The following MYT1 variants were observed in gnomAD, a reference collection of about 807,000 sequenced individuals.
MYT1 encodes the protein myelin transcription factor I.
A neutral mutation model predicts 123.0 loss-of-function variants in MYT1; 23 were observed. The observed-to-expected ratio is 0.19, with a 90% CI of 0.13 to 0.26. The LOEUF is 0.26. Ranked by LOEUF, MYT1 falls within the 10% of genes least tolerant of loss-of-function variation. The pLI is 1.00. For missense variants in MYT1, 1,125 were observed against 1,472.5 expected, an observed-to-expected ratio of 0.76 and a Z score of 3.86; for synonymous variants, 518 against 575.3, an observed-to-expected ratio of 0.90 and a Z score of 1.43.
intron 1 of MYT1, among the ~76,000 whole-genome samples, chr20:64,165,163 T>C (rs535846460): frequency 1.3e-5 from 2 of 152,200 alleles, no homozygotes; most frequent in South Asian, 4.2e-4. Context: ...AAGACCTCTC[T>C]GAAGCAGGGT....
rs1260565750 is a variant in MYT1, at chr20:64,202,187, A to G, written c.86+2265A>G. 1.3e-5 allele frequency among the ~76,000 whole-genome samples: 2 copies of G among 152,204 alleles called. No individual in the cohort carries two copies. Among genetic ancestry groups the G allele is most frequent in the Non-Finnish European group, 2.9e-5 (2 of 68,036 alleles). On this transcript the variant is annotated intron_variant, in intron 4 of 22. Transcript: ENST00000328439. The surrounding 1 kb of genome is among the most constrained non-coding windows in gnomAD (Gnocchi z 5.0). Reference sequence around the variant, plus strand: ...CAGCTCAGGCAGAGCTCCCAGGAAGACAGTCCATTGGTTGTTTACCAGGTG... The same window carrying G: ...CAGCTCAGGCAGAGCTCCCAGGAAGGCAGTCCATTGGTTGTTTACCAGGTG...
At chr20:64,188,909 A>G (rs1223489488) in intron 1 of MYT1, among the ~76,000 whole-genome samples, 1 of 152,222 alleles carries the variant, frequency 6.6e-6, no homozygotes, top group Non-Finnish European at 1.5e-5. Flanking sequence ...TGCACACAGT[A>G]GGTGCCGAAT....
chr20:64,211,055 C>CT (rs1983651514), intron 7 of MYT1, 151 bp from the exon 8 acceptor site: 4 of 818,706 alleles, frequency 4.9e-6, no homozygotes, highest in Non-Finnish European at 7.2e-6. Flanking sequence ...GGTCTCCTGA[C>CT]TGTCCAGCCC....
chr20:64,200,840 C>T (rs1487654936), intron 4 of MYT1, among the ~76,000 whole-genome samples: 1 of 152,186 alleles, frequency 6.6e-6, no homozygotes, highest in Non-Finnish European at 1.5e-5. Flanking sequence ...GGTGGAAGCT[C>T]AGCCAAACAG....
chr20:64,219,893 C>G lies in MYT1; in HGVS notation c.2152C>G (p.Gln718Glu). The change falls in exon 13 of 23, where the codon CAG becomes GAG. Residue 718 changes from glutamine to glutamate, a missense_variant. Physicochemically the swap from Gln to Glu is conservative, Grantham distance 29 (BLOSUM62 2). Transcript: ENST00000328439. Reference sequence around the variant, plus strand: ...CCCCAGCAGCTCCATGACCTCTCCCCAGTCCAGCCAGGCCTCCCGCCAGGA... The same window carrying G: ...CCCCAGCAGCTCCATGACCTCTCCCGAGTCCAGCCAGGCCTCCCGCCAGGA... ...SAPSSSMTSP[Q>E]SSQASRQDEW... 1 of 1,576,422 alleles carries G rather than the reference C, an allele frequency of 6.3e-7. No homozygotes were observed. The highest frequency in any genetic ancestry group is 8.6e-7 in the Non-Finnish European group (1 of 1,161,420).
rs1454803719 is a variant in MYT1, at chr20:64,186,745, G to A, written c.-98-3318G>A. ...CTTTATGGAACACCTCCACGTTTCC[G>A]TGGAGAGATTTCCTGTAGCCCGTGG... On this transcript the variant is annotated intron_variant, in intron 1 of 22. Transcript: ENST00000328439. The surrounding 1 kb of genome is among the most constrained non-coding windows in gnomAD (Gnocchi z 4.3). 5.3e-5 allele frequency among the ~76,000 whole-genome samples: 8 copies of A among 152,268 alleles called. No individual in the cohort carries two copies. Among genetic ancestry groups the A allele is most frequent in the East Asian group, 1.9e-4 (1 of 5,202 alleles).
rs1008893014 is a variant in MYT1, at chr20:64,213,222, G to C, written c.1518-312G>C. On this transcript the variant is annotated intron_variant, in intron 9 of 22. Coordinates refer to ENST00000328439, the MANE Select transcript of MYT1 (RefSeq NM_004535.3). The surrounding 1 kb of genome is among the most constrained non-coding windows in gnomAD (Gnocchi z 5.6). ...CAAGCCTGTCTCCCAGACCCATGCA[G>C]AGGAGGCATCTTTGCCCAGAGCTTT... Among the ~76,000 whole-genome samples the C allele has an allele frequency of 1.7e-4, 26 of 152,310 alleles. No homozygotes were observed. Among genetic ancestry groups the C allele is most frequent in the African/African-American group, 6.0e-4 (25 of 41,570 alleles).
In MYT1 at chr20:64,168,807, G is replaced by A. The variant is rs890883726; in HGVS notation, c.-99+4068G>A. ...GATGGTCCTCAGGAAGTAGGCTGCAGCGCTCTGCAGGAGTCAGGGTGGCCA... is the reference window on the plus strand; with the variant it reads ...GATGGTCCTCAGGAAGTAGGCTGCAACGCTCTGCAGGAGTCAGGGTGGCCA... On this transcript the variant is annotated intron_variant, in intron 1 of 22. Coordinates refer to ENST00000328439, the MANE Select transcript of MYT1 (RefSeq NM_004535.3). The surrounding 1 kb of genome is among the most constrained non-coding windows in gnomAD (Gnocchi z 6.1). Among the ~76,000 whole-genome samples, 6 of 152,254 alleles carry A rather than the reference G, an allele frequency of 3.9e-5. No individual in the cohort carries two copies. Among genetic ancestry groups the A allele is most frequent in the Non-Finnish European group, 5.9e-5 (4 of 68,046 alleles).
In MYT1 at chr20:64,225,180, G is replaced by C. The variant is rs188544416; in HGVS notation, c.2528+1821G>C. Among the ~76,000 whole-genome samples the C allele has an allele frequency of 2.6e-5, 4 of 152,292 alleles. No homozygotes were observed. In the East Asian group the frequency reaches 5.8e-4, roughly 22 times the overall value. ...TCCGACCACTGCATGAGCTTGGGACGATGGTGGTCTCCCCCCGCCACGTGT... is the reference window on the plus strand; with the variant it reads ...TCCGACCACTGCATGAGCTTGGGACCATGGTGGTCTCCCCCCGCCACGTGT... On this transcript the variant is annotated intron_variant, in intron 16 of 22. Coordinates refer to ENST00000328439, the MANE Select transcript of MYT1 (RefSeq NM_004535.3).
chr20:64,223,003 C>G, intron 14 of MYT1, 108 bp from the exon 15 acceptor site: 1 of 1,290,276 alleles, frequency 7.8e-7, no homozygotes, highest in Non-Finnish European at 1.1e-6. Flanking sequence ...CACCGCTTGG[C>G]TCGCGGGTGA....
chr20:64,210,972 A>G (rs1367005710), intron 7 of MYT1, among the ~76,000 whole-genome samples: 1 of 152,204 alleles, frequency 6.6e-6, no homozygotes, highest in Non-Finnish European at 1.5e-5. Context: ...ACGCTGCACA[A>G]ACTGCTATTT....
At chr20:64,170,884 T>TAGAG (rs71197459) in intron 1 of MYT1, among the ~76,000 whole-genome samples, 244 of 19,992 alleles carry the variant, frequency 0.012, 23 homozygotes, top group East Asian at 0.023. Context: ...TATATATATA[T>TAGAG]AGAGAGAGAG....
intron 19 of MYT1, among the ~76,000 whole-genome samples, chr20:64,234,555 G>A (rs1056081058): frequency 3.3e-5 from 5 of 152,260 alleles, no homozygotes; most frequent in Admixed American, 6.5e-5. Context: ...TAGGTGAGGT[G>A]GAACATGCCT....
chr20:64,184,175 C>T (rs1982733041), intron 1 of MYT1, among the ~76,000 whole-genome samples: 1 of 152,116 alleles, frequency 6.6e-6, no homozygotes, highest in Non-Finnish European at 1.5e-5. Context: ...CAATATATTA[C>T]TTTTTTTCTT....
intron 22 of MYT1, 40 bp downstream of exon 22, chr20:64,239,943 C>T: frequency 6.2e-7 from 1 of 1,602,776 alleles, no homozygotes; most frequent in South Asian, 1.1e-5. Flanking sequence ...CAGCTACCCC[C>T]CAGGGTCTCT....
intron 2 of MYT1, among the ~76,000 whole-genome samples, chr20:64,194,805 C>T (rs890677434): frequency 1.3e-5 from 2 of 152,222 alleles, no homozygotes; most frequent in Admixed American, 6.5e-5. Context: ...GGAAAATCTC[C>T]AACCCTGATA....
chr20:64,238,917 A>C (rs1984633023), intron 21 of MYT1, among the ~76,000 whole-genome samples: 1 of 152,214 alleles, frequency 6.6e-6, no homozygotes, highest in African/African-American at 2.4e-5. Context: ...AGGCAAAGGG[A>C]AGGCAGGTCC....
chr20:64,217,388 G>A, intron 11 of MYT1, 107 bp downstream of exon 11: 2 of 1,227,836 alleles, frequency 1.6e-6, no homozygotes, highest in African/African-American at 1.5e-5. Flanking sequence ...ACTAGGGAGG[G>A]AAACTCTACC....
intron 1 of MYT1, among the ~76,000 whole-genome samples, chr20:64,172,728 C>G (rs1047085671): frequency 3.4e-5 from 5 of 147,718 alleles, no homozygotes; most frequent in African/African-American, 1.3e-4. Flanking sequence ...GCTGCTGGCT[C>G]TGGCCATACC....
Sources: gnomAD v4.1 joint callset for allele counts (sites outside exome capture counted in the v4.1 genomes callset) on GRCh38, gnomAD v4.1.1 for gene constraint, Gnocchi (gnomAD v3.1) non-coding constraint, MANE v1.5 for transcripts, NCBI Gene and HGNC (gene_info 2026-07-23, HGNC 2026-07-21) for gene names.